Variants in ABHD16A observed in about 807,000 individuals in gnomAD.
ABHD16A encodes the protein phosphatidylserine lipase ABHD16A.
Under a neutral mutation model 89.8 loss-of-function variants are expected in ABHD16A, and 47 were observed. The ratio of observed to expected loss-of-function variants is 0.52; its 90% CI spans 0.41 to 0.67. The LOEUF is 0.67. ABHD16A is among the 30% of genes least tolerant of loss of function. The pLI is 0.00. For synonymous variants in ABHD16A, 251 were observed against 280.4 expected (o/e 0.90, Z 1.05); for missense variants, 580 against 734.6 (o/e 0.79, Z 2.43).
intron 9 of ABHD16A, 155 bp downstream of exon 9, chr6:31,691,424 G>T: frequency 1.6e-6 from 1 of 640,558 alleles, no homozygotes; most frequent in Non-Finnish European, 2.7e-6. Context: ...CTATCACAGG[G>T]TTTCACTACA....
In ABHD16A at chr6:31,691,410, TTCTC is replaced by T; in HGVS notation, c.843+165_843+168del. The T allele has an allele frequency of 3.3e-6, 2 of 607,352 alleles. 1 individual carries two copies. The allele number at this position is 607,352 out of a possible 1,614,324, so 37.6% of individuals were successfully genotyped here. ...TGAACGTCTCTCCTACTTCATCTGT[TTCTC>T]TATCACAGGGTTTCACTACATCACA... is the stretch of plus-strand genomic sequence containing the variant. On this transcript the variant is annotated intron_variant, in intron 9 of 19. Transcript: ENST00000395952.
At position 31,688,782 on chromosome 6, in the gene ABHD16A, G is replaced by A. The variant is rs139631157; in HGVS notation, c.1191C>T (p.Gly397=). 1,114 of 1,612,770 alleles carry A rather than the reference G, an allele frequency of 6.9e-4. 1 individual carries two copies. The highest frequency in any genetic ancestry group is 8.9e-4 in the Non-Finnish European group (1,055 of 1,179,852). Residue 397 remains glycine (G), a synonymous_variant, in exon 14 of 20, where the codon GGC becomes GGT. Coordinates refer to ENST00000395952, the MANE Select transcript of ABHD16A (RefSeq NM_021160.3). This position sits in a 1 kb window ranked among gnomAD's most constrained non-coding sequence, Gnocchi z 4.9. ...GCTGCCTCACGGTCCTGGTCACCAG[G>A]CCCCCTAGAGTGGGATAAAGGTGAA... ...ALKVMPDSWR[G]LVTRTVRQHL...
At chr6:31,689,226 T>G in intron 12 of ABHD16A, 107 bp from the exon 13 acceptor site, 1 of 994,026 alleles carries the variant, frequency 1.0e-6, no homozygotes, top group Non-Finnish European at 1.5e-6. Context: ...ATTCCCCCTA[T>G]GTTATCCCTT....
At chr6:31,702,839 G>C in intron 1 of ABHD16A, 1 of 1,391,288 alleles carries the variant, frequency 7.2e-7, no homozygotes. Flanking sequence ...TCCGCGCAGG[G>C]TCTCTTCCCG....
chr6:31,691,674 C>T lies in ABHD16A; in HGVS notation c.748G>A (p.Gly250Arg). ...GQARLVEECN[G>R]RRAKLLACDG... ...CAGGCCAGCAGCTTTGCCCGGCGCC[C>T]ATTACACTGAGTACGGAAGACGCAA... The change falls in exon 9 of 20, where the codon GGG (glycine) becomes AGG (arginine). Residue 250 changes from glycine (G) to arginine (R), a missense_variant. By Grantham distance (125) the Gly-to-Arg change is moderately radical. Transcript: ENST00000395952. 6.3e-7 allele frequency: 1 copy of T among 1,579,804 alleles called. No individual in the cohort carries two copies. The highest frequency in any genetic ancestry group is 2.3e-5 in the East Asian group (1 of 42,878).
At position 31,688,194 on chromosome 6, in the gene ABHD16A, A is replaced by C. The variant is rs554984858; in HGVS notation, c.1307+55T>G. 6.8e-6 allele frequency: 11 copies of C among 1,608,414 alleles called. No homozygotes were observed. Among genetic ancestry groups the C allele is most frequent in the Middle Eastern group, 1.7e-4 (1 of 6,036 alleles). On this transcript the variant is annotated intron_variant, in intron 15 of 19. Transcript: ENST00000395952. The surrounding 1 kb of genome is among the most constrained non-coding windows in gnomAD (Gnocchi z 4.9). ...TTTCTGGTGGGCAGAGGTAGAAGGG[A>C]CAAGTTCCTGGCCATCTCTGGGGTT...
At chr6:31,692,828 G>T in intron 7 of ABHD16A, 199 bp downstream of exon 7, 4 of 429,978 alleles carry the variant, frequency 9.3e-6, no homozygotes, top group South Asian at 2.4e-5. Flanking sequence ...TACTACATTT[G>T]AGACTCCAGA....
chr6:31,688,580 G>A lies in ABHD16A; in HGVS notation c.1250+143C>T. The A allele has an allele frequency of 9.7e-7, 1 of 1,033,358 alleles. No individual in the cohort carries two copies. The allele number at this position is 1,033,358 out of a possible 1,614,324, so 64.0% of individuals were successfully genotyped here. A position where few individuals can be genotyped will look rare whatever the true frequency, so the allele number is the denominator to read the frequency against. On this transcript the variant is annotated intron_variant, in intron 14 of 19. Coordinates refer to ENST00000395952, the MANE Select transcript of ABHD16A (RefSeq NM_021160.3). This position sits in a 1 kb window ranked among gnomAD's most constrained non-coding sequence, Gnocchi z 4.9. Reference sequence around the variant, plus strand: ...AGGGGACCTGGGAGGGGTTAGGCCAGTTGAGGTGGTGGCAGGGTCACTCAG... The same window carrying A: ...AGGGGACCTGGGAGGGGTTAGGCCAATTGAGGTGGTGGCAGGGTCACTCAG...
At chr6:31,691,048 A>G (rs1342437115) in intron 9 of ABHD16A, among the ~76,000 whole-genome samples, 2 of 152,106 alleles carry the variant, frequency 1.3e-5, no homozygotes, top group African/African-American at 4.8e-5. Flanking sequence ...TGGGATTTGC[A>G]TGAACTCTCA....
chr6:31,703,202 GC>G lies in ABHD16A; in HGVS notation c.79del (p.Ala27ProfsTer62). 6.9e-7 allele frequency: 1 copy of G among 1,443,232 alleles called. No individual in the cohort carries two copies. The highest frequency in any genetic ancestry group is 1.5e-5 in the South Asian group (1 of 68,308). 89.4% of individuals were successfully genotyped at this position (1,443,232 alleles called of 1,614,324 possible). On this transcript the variant is annotated frameshift_variant, in exon 1 of 20. Coordinates refer to ENST00000395952, the MANE Select transcript of ABHD16A (RefSeq NM_021160.3). LOFTEE classifies it high-confidence loss of function. Reference sequence around the variant, plus strand: ...TGCCGTTGGCGTCTCAGGGACGCTGGCCGGGGCCCTTTCAGAGTCCCTCTCC... The same window carrying G: ...TGCCGTTGGCGTCTCAGGGACGCTGGCGGGGCCCTTTCAGAGTCCCTCTCC... ...YRERDSERAP[A>X]SVPETPTAVT...
chr6:31,687,510 C>T lies in ABHD16A; in HGVS notation c.1581G>A (p.Leu527=). Residue 527 remains leucine (L), a synonymous_variant, in exon 19 of 20, where the codon CTG becomes CTA. Coordinates refer to ENST00000395952, the MANE Select transcript of ABHD16A (RefSeq NM_021160.3). This position sits in a 1 kb window ranked among gnomAD's most constrained non-coding sequence, Gnocchi z 6.3. ...EDMSADGRRQ[L]ALFLARKHLH... ...CTCCTTAGCTCACCAGAAACAAAGC[C>T]AGCTGCCGCCGTCCATCTGCACTCA... The T allele has an allele frequency of 1.9e-6, 3 of 1,613,104 alleles. No individual in the cohort carries two copies. Among genetic ancestry groups the T allele is most frequent in the Non-Finnish European group, 1.7e-6 (2 of 1,180,002 alleles).
At position 31,687,938 on chromosome 6, in the gene ABHD16A, T is replaced by G. The variant is rs773842168; in HGVS notation, c.1371-38A>C. 1 of 1,612,646 alleles carries G rather than the reference T, an allele frequency of 6.2e-7. No homozygotes were observed. Among genetic ancestry groups the G allele is most frequent in the South Asian group, 1.1e-5 (1 of 91,076 alleles). On this transcript the variant is annotated intron_variant, in intron 16 of 19. Transcript: ENST00000395952. This position sits in a 1 kb window ranked among gnomAD's most constrained non-coding sequence, Gnocchi z 6.3. ...TGCCAGGACAGGTCAGGGCTGATTT[T>G]TTTTCATTCACCATCCCTGAACCTT...
intron 1 of ABHD16A, 102 bp downstream of exon 1, chr6:31,703,048 G>A: frequency 7.3e-7 from 1 of 1,369,622 alleles, no homozygotes; most frequent in Non-Finnish European, 9.5e-7. Context: ...GGCTTGACAA[G>A]CAGGCTCCCC....
intron 1 of ABHD16A, 106 bp from the exon 2 acceptor site, chr6:31,702,236 A>C (rs998185389): frequency 3.1e-5 from 35 of 1,121,066 alleles, no homozygotes; most frequent in Non-Finnish European, 3.9e-6. Flanking sequence ...CTCGTTGACT[A>C]TCTCTCTTGA....
chr6:31,701,455 T>C (rs1004993098), intron 2 of ABHD16A, 115 bp from the exon 3 acceptor site: 1 of 839,660 alleles, frequency 1.2e-6, no homozygotes, highest in African/African-American at 1.7e-5. Context: ...TATCATATCA[T>C]ATTTGGTGTA....
At chr6:31,689,494 C>T in intron 12 of ABHD16A, 87 bp downstream of exon 12, 3 of 1,433,452 alleles carry the variant, frequency 2.1e-6, no homozygotes, top group South Asian at 1.5e-5. Flanking sequence ...CTTGAGCCTC[C>T]ACCCCACCCC....
chr6:31,703,294 G>C lies in ABHD16A; in HGVS notation c.-13C>G. 1 of 1,343,334 alleles carries C rather than the reference G, an allele frequency of 7.4e-7. No individual in the cohort carries two copies. Among genetic ancestry groups the C allele is most frequent in the Non-Finnish European group, 9.7e-7 (1 of 1,035,564 alleles). 83.2% of individuals were successfully genotyped at this position (1,343,334 alleles called of 1,614,324 possible). Reference sequence around the variant, plus strand: ...GCAGCTTCGCCATGGCCCCGGCTCGGGCCGCTGCTCTTCCAGCAGCAGGTC... The same window carrying C: ...GCAGCTTCGCCATGGCCCCGGCTCGCGCCGCTGCTCTTCCAGCAGCAGGTC... On this transcript the variant is annotated 5_prime_UTR_variant, in exon 1 of 20. Transcript: ENST00000395952.
Position 31,690,431 on chromosome 6 carries a change from A to G in ABHD16A, c.907+108T>C. ...ACTTTTCCCTAAAGCTGAGAGACTCAAAACCTCACCCAGAGAAAGCAGAGG... is the reference window on the plus strand; with the variant it reads ...ACTTTTCCCTAAAGCTGAGAGACTCGAAACCTCACCCAGAGAAAGCAGAGG... On this transcript the variant is annotated intron_variant, in intron 10 of 19. Transcript: ENST00000395952. The surrounding 1 kb of genome is among the most constrained non-coding windows in gnomAD (Gnocchi z 4.1). 2.4e-6 allele frequency: 3 copies of G among 1,269,420 alleles called. No homozygotes were observed. The highest frequency in any genetic ancestry group is 3.4e-6 in the Non-Finnish European group (3 of 874,610). The allele number at this position is 1,269,420 out of a possible 1,614,324, so 78.6% of individuals were successfully genotyped here.
At chr6:31,692,352 A>T (rs963620670) in intron 7 of ABHD16A, 1 of 163,296 alleles carries the variant, frequency 6.1e-6, no homozygotes, top group Non-Finnish European at 1.3e-5. Flanking sequence ...ACTAATTAGC[A>T]CACTGTCAAC....
Sources: gnomAD v4.1 joint callset for allele counts (sites outside exome capture counted in the v4.1 genomes callset) on GRCh38, gnomAD v4.1.1 for gene constraint, Gnocchi (gnomAD v3.1) non-coding constraint, MANE v1.5 for transcripts, NCBI Gene and HGNC (gene_info 2026-07-23, HGNC 2026-07-21) for gene names.